HERC3: variants seen among roughly 807,000 people sequenced by gnomAD.
HERC3 encodes the protein HECT and RLD domain containing E3 ubiquitin protein ligase 3, also known as probable E3 ubiquitin-protein ligase HERC3.
HERC3 carries 58 observed loss-of-function variants against 129.9 expected under a neutral mutation model. That is an observed-to-expected ratio of 0.45 (90% CI 0.36 to 0.56). HERC3 has a LOEUF of 0.56. Among genes scored for constraint, HERC3 ranks in the 20% least tolerant of loss-of-function variants. The pLI is 0.00. For synonymous variants in HERC3, 430 were observed against 451.0 expected (o/e 0.95, Z 0.59); for missense variants, 835 against 1,244.2 (o/e 0.67, Z 4.95).
intron 16 of HERC3, among the ~76,000 whole-genome samples, chr4:88,675,192 C>T (rs7692030): frequency 0.014 from 2,132 of 152,212 alleles, 56 homozygotes; most frequent in African/African-American, 0.049. Context: ...TGGGATGACT[C>T]GCCTCTGTTT....
intron 7 of HERC3, 103 bp from the exon 8 acceptor site, chr4:88,655,071 T>C: frequency 8.9e-7 from 1 of 1,128,192 alleles, no homozygotes; most frequent in Non-Finnish European, 1.2e-6. Context: ...CAAGTGAATG[T>C]AGTGCTCTTG....
At chr4:88,664,860 T>G (rs1730876408) in intron 12 of HERC3, among the ~76,000 whole-genome samples, 1 of 152,220 alleles carries the variant, frequency 6.6e-6, no homozygotes, top group Non-Finnish European at 1.5e-5. Flanking sequence ...GAATTATATT[T>G]GAGGTTGAAC....
At chr4:88,590,843 T>C (rs1721661501), upstream of HERC3, among the ~76,000 whole-genome samples, 1 of 152,168 alleles carries the variant, frequency 6.6e-6, no homozygotes, top group Non-Finnish European at 1.5e-5. Flanking sequence ...TATAAGTGAA[T>C]TGTGTTACTC....
At chr4:88,698,508 T>C (rs1734914617) in intron 23 of HERC3, among the ~76,000 whole-genome samples, 1 of 148,950 alleles carries the variant, frequency 6.7e-6, no homozygotes, top group Non-Finnish European at 1.5e-5. Context: ...GTGTGTGTTC[T>C]AGAAGATCCT....
intron 3 of HERC3, among the ~76,000 whole-genome samples, chr4:88,625,345 T>C (rs547723476): frequency 9.9e-4 from 151 of 152,296 alleles, no homozygotes; most frequent in Middle Eastern, 3.4e-3. Context: ...TCTCTCTCTA[T>C]ATTTTAGGTC....
intron 3 of HERC3, among the ~76,000 whole-genome samples, chr4:88,631,179 C>T (rs906120074): frequency 6.6e-6 from 1 of 152,142 alleles, no homozygotes; most frequent in Admixed American, 6.6e-5. Flanking sequence ...TACTCTGGGC[C>T]AGGCATGGTG....
chr4:88,656,098 A>G, intron 9 of HERC3, 63 bp downstream of exon 9: 1 of 1,506,630 alleles, frequency 6.6e-7, no homozygotes, highest in Non-Finnish European at 9.2e-7. Flanking sequence ...TGTTTACAGA[A>G]TATGTATCTA....
intron 7 of HERC3, 96 bp from the exon 8 acceptor site, chr4:88,655,078 C>G: frequency 7.8e-7 from 1 of 1,283,924 alleles, no homozygotes; most frequent in Non-Finnish European, 1.1e-6. Flanking sequence ...ATGTAGTGCT[C>G]TTGTGCACAT....
chr4:88,535,328 A>G, the HERC3 span, among the ~76,000 whole-genome samples: 1 of 152,180 alleles, frequency 6.6e-6, no homozygotes, highest in African/African-American at 2.4e-5. Context: ...GGAAAATACG[A>G]CTAAATATTT....
intron 23 of HERC3, among the ~76,000 whole-genome samples, chr4:88,698,438 TC>T (rs1162446872): frequency 4.6e-5 from 7 of 152,010 alleles, no homozygotes. Flanking sequence ...TCAGCAGGAC[TC>T]CCCTGGAAGC....
chr4:88,555,959 G>A, the HERC3 span, among the ~76,000 whole-genome samples: 2 of 152,168 alleles, frequency 1.3e-5, no homozygotes, highest in African/African-American at 4.8e-5. Context: ...AATAGGCATG[G>A]GGGTCTCCAA....
chr4:88,696,393 A>G (rs970055701), intron 23 of HERC3: 1 of 152,654 alleles, frequency 6.6e-6, no homozygotes, highest in African/African-American at 2.4e-5. Flanking sequence ...CTCTTCAAGT[A>G]AATTAATATT....
intron 3 of HERC3, among the ~76,000 whole-genome samples, chr4:88,609,944 T>A (rs1270330828): frequency 6.6e-6 from 1 of 152,210 alleles, no homozygotes; most frequent in Non-Finnish European, 1.5e-5. Flanking sequence ...CCTCCCCTTT[T>A]TAGACCATGT....
At chr4:88,692,837 C>G in intron 23 of HERC3, 3 of 946,294 alleles carry the variant, frequency 3.2e-6, no homozygotes, top group Non-Finnish European at 3.8e-6. Flanking sequence ...CCATGGGTAC[C>G]AGCATATGGC....
chr4:88,611,056 A>G (rs942967494), intron 3 of HERC3, among the ~76,000 whole-genome samples: 5 of 152,248 alleles, frequency 3.3e-5, no homozygotes, highest in African/African-American at 1.2e-4. Context: ...AATCCAGCCC[A>G]TGCTTGTGAT....
At chr4:88,677,382 G>A (rs922070777) in intron 18 of HERC3, among the ~76,000 whole-genome samples, 6 of 151,912 alleles carry the variant, frequency 3.9e-5, no homozygotes, top group East Asian at 3.9e-4. Context: ...GTGAATTAGC[G>A]GCTCAAATCC....
At position 88,676,346 on chromosome 4, in the gene HERC3, C is replaced by A; in HGVS notation, c.1948C>A (p.Leu650Ile). Residue 650 changes from leucine to isoleucine, a missense_variant, in exon 18 of 26, where the codon CTT (leucine) becomes ATT (isoleucine). Physicochemically the swap from Leu to Ile is conservative, Grantham distance 5 (BLOSUM62 2). Coordinates refer to ENST00000402738, the MANE Select transcript of HERC3 (RefSeq NM_014606.3). ...TGCTTTATTCTAGGATACTGTAACA[C>A]TTTGTTCCTACCCTTTCATCTTTGA... ...RPSIIQDTVT[L>I]CSYPFIFDAQ... is the part of the protein sequence containing the mutation. 2 of 1,611,570 alleles carry A rather than the reference C, an allele frequency of 1.2e-6. No homozygotes were observed. Among genetic ancestry groups the A allele is most frequent in the Non-Finnish European group, 1.7e-6 (2 of 1,177,816 alleles).
intron 23 of HERC3, among the ~76,000 whole-genome samples, chr4:88,701,620 GAAAAA>G (rs1434439768): frequency 4.6e-5 from 7 of 152,038 alleles, no homozygotes; most frequent in Admixed American, 1.3e-4. Context: ...TTTAATAAAA[GAAAAA>G]AATTACTGAT....
chr4:88,683,958 A>G (rs1733102291), intron 21 of HERC3, among the ~76,000 whole-genome samples: 1 of 152,194 alleles, frequency 6.6e-6, no homozygotes, highest in Non-Finnish European at 1.5e-5. Flanking sequence ...CCACTGCTCA[A>G]AGAAATAAGA....
Sources: gnomAD v4.1 joint callset for allele counts (sites outside exome capture counted in the v4.1 genomes callset) on GRCh38, gnomAD v4.1.1 for gene constraint, MANE v1.5 for transcripts, NCBI Gene and HGNC (gene_info 2026-07-23, HGNC 2026-07-21) for gene names.